Variants in TBC1D1 observed in about 807,000 individuals in gnomAD.
TBC1D1 encodes the protein TBC1 domain family member 1, also known as TBC1 (tre-2/USP6, BUB2, cdc16) domain family, member 1.
In TBC1D1, 89 loss-of-function variants were observed where a neutral mutation model predicts 125.6. The ratio of observed to expected loss-of-function variants is 0.71; its 90% CI spans 0.60 to 0.85. The LOEUF (loss-of-function observed/expected upper bound fraction) is 0.85. Among genes scored for constraint, TBC1D1 ranks in the 40% least tolerant of loss-of-function variants. The probability of loss-of-function intolerance (pLI) is 0.00; values close to 1 mark genes in which losing one functional copy is unlikely to be tolerated. For synonymous variants in TBC1D1, 565 were observed against 564.1 expected (o/e 1.00, Z -0.02); for missense variants, 1,377 against 1,469.2 (o/e 0.94, Z 1.03).
At position 38,053,103 on chromosome 4, in the gene TBC1D1, T is replaced by TAG; in HGVS notation, c.1911-1095_1911-1094dup. On this transcript the variant is annotated intron_variant, in intron 11 of 19. Coordinates refer to ENST00000261439, the MANE Select transcript of TBC1D1 (RefSeq NM_015173.4). ...TAAACTCTTTTTTCAACCAAACTCT[T>TAG]AGCATCTCCTACCGTAATGCCCTGC... is the stretch of plus-strand genomic sequence containing the variant. 6.9e-7 allele frequency: 1 copy of TAG among 1,456,010 alleles called. No homozygotes were observed. The highest frequency in any genetic ancestry group is 9.0e-7 in the Non-Finnish European group (1 of 1,105,072). The allele number at this position is 1,456,010 out of a possible 1,614,324, so 90.2% of individuals were successfully genotyped here. A position where few individuals can be genotyped will look rare whatever the true frequency, so the allele number is the denominator to read the frequency against.
chr4:38,077,690 A>G (rs1411012325), intron 12 of TBC1D1, among the ~76,000 whole-genome samples: 1 of 145,306 alleles, frequency 6.9e-6, no homozygotes, highest in Non-Finnish European at 1.5e-5. Flanking sequence ...AAAAGCCTGT[A>G]ATTTCTCAAG....
Position 37,905,742 on chromosome 4 carries a change from C to T in TBC1D1, c.417+3230C>T, listed in dbSNP as rs182016284. Among the ~76,000 whole-genome samples, 12 of 152,364 alleles carry T rather than the reference C, an allele frequency of 7.9e-5. No individual in the cohort carries two copies. In the East Asian group the frequency reaches 1.9e-3, roughly 24 times the overall value. On this transcript the variant is annotated intron_variant, in intron 2 of 19. Coordinates refer to ENST00000261439, the MANE Select transcript of TBC1D1 (RefSeq NM_015173.4). ...TTGCAACCATTTGCCCTTGACCAGT[C>T]CACTTTCGCTTTGACTGGACCACTT...
At chr4:38,058,434 CTG>C (rs1237295001) in intron 12 of TBC1D1, among the ~76,000 whole-genome samples, 1 of 152,234 alleles carries the variant, frequency 6.6e-6, no homozygotes, top group Non-Finnish European at 1.5e-5. Context: ...GCACAAGACT[CTG>C]TTCCTGATTT....
At chr4:38,135,306 C>A (rs921177498) in intron 19 of TBC1D1, among the ~76,000 whole-genome samples, 1 of 152,182 alleles carries the variant, frequency 6.6e-6, no homozygotes, top group Non-Finnish European at 1.5e-5. Flanking sequence ...AATTCTACCA[C>A]CTCTTTTGTT....
intron 12 of TBC1D1, among the ~76,000 whole-genome samples, chr4:38,074,572 C>G (rs1196663458): frequency 6.6e-6 from 1 of 152,098 alleles, no homozygotes; most frequent in African/African-American, 2.4e-5. Flanking sequence ...GGTAAATATG[C>G]AAATTTTTTA....
chr4:37,905,749 C>T (rs764184834), intron 2 of TBC1D1, among the ~76,000 whole-genome samples: 4 of 152,380 alleles, frequency 2.6e-5, no homozygotes, highest in African/African-American at 7.2e-5. Context: ...AGTCCACTTT[C>T]GCTTTGACTG....
Position 38,020,710 on chromosome 4 carries a change from G to A in TBC1D1, c.1077+15G>A. ...ATGAGGCTCTGGTGAGAGAGGACAAGCAATTCTTACCTTGGAACCTTCTTT... is the reference window on the plus strand; with the variant it reads ...ATGAGGCTCTGGTGAGAGAGGACAAACAATTCTTACCTTGGAACCTTCTTT... On this transcript the variant is annotated intron_variant, in intron 5 of 19. Coordinates refer to ENST00000261439, the MANE Select transcript of TBC1D1 (RefSeq NM_015173.4). 1 of 1,606,480 alleles carries A rather than the reference G, an allele frequency of 6.2e-7. No individual in the cohort carries two copies. The highest frequency in any genetic ancestry group is 8.5e-7 in the Non-Finnish European group (1 of 1,174,158).
chr4:37,932,498 A>G (rs1028906744), intron 2 of TBC1D1, among the ~76,000 whole-genome samples: 30 of 152,244 alleles, frequency 2.0e-4, no homozygotes, highest in African/African-American at 7.0e-4. Flanking sequence ...CCCCTTATGA[A>G]CAAGGATTAT....
chr4:37,965,731 C>CATTT lies in TBC1D1; in HGVS notation c.418-48757_418-48754dup, dbSNP rs201957621. ...CTGCCAGGTGCAAACCTGTCATGGA[C>CATTT]ATTTATTTATTTATTTATTTATTTT... is the stretch of plus-strand genomic sequence containing the variant. On this transcript the variant is annotated intron_variant, in intron 2 of 19. Coordinates refer to ENST00000261439, the MANE Select transcript of TBC1D1 (RefSeq NM_015173.4). Among the ~76,000 whole-genome samples, 1,243 of 152,018 alleles carry CATTT rather than the reference C, an allele frequency of 8.2e-3. 15 individuals are homozygous for CATTT. The highest frequency in any genetic ancestry group is 0.027 in the African/African-American group (1,113 of 41,434).
chr4:38,052,318 G>T (rs960355763), intron 11 of TBC1D1, among the ~76,000 whole-genome samples: 17 of 149,200 alleles, frequency 1.1e-4, no homozygotes, highest in Non-Finnish European at 2.4e-4. Flanking sequence ...ATGGCAGATT[G>T]GTTTGTGTTT....
chr4:37,928,307 C>A (rs1722533340), intron 2 of TBC1D1, among the ~76,000 whole-genome samples: 1 of 152,198 alleles, frequency 6.6e-6, no homozygotes, highest in Non-Finnish European at 1.5e-5. Flanking sequence ...ATGCTTCAAC[C>A]AACCTAATTG....
chr4:37,964,374 C>A (rs1214761059), intron 2 of TBC1D1, among the ~76,000 whole-genome samples: 1 of 152,198 alleles, frequency 6.6e-6, no homozygotes, highest in Admixed American at 6.5e-5. Context: ...TGATTCTAAA[C>A]CTCGTGCTAG....
intron 6 of TBC1D1, among the ~76,000 whole-genome samples, chr4:38,026,016 C>G (rs1745009783): frequency 6.6e-6 from 1 of 151,742 alleles, no homozygotes; most frequent in South Asian, 2.1e-4. Context: ...ACTTACTTAG[C>G]TGATGACCTT....
intron 10 of TBC1D1, among the ~76,000 whole-genome samples, chr4:38,046,209 C>CA (rs1027101460): frequency 4.7e-4 from 72 of 151,870 alleles, no homozygotes; most frequent in African/African-American, 8.7e-4. Flanking sequence ...ACTAAAAATA[C>CA]AAAAAATTAA....
intron 8 of TBC1D1, 57 bp from the exon 9 acceptor site, chr4:38,044,305 T>C: frequency 6.5e-7 from 1 of 1,545,232 alleles, no homozygotes; most frequent in Non-Finnish European, 8.7e-7. Context: ...GATTTTTCAT[T>C]CCTTTAAGAA....
chr4:38,020,513 T>C (rs1056977203), intron 4 of TBC1D1, 78 bp from the exon 5 acceptor site: 5 of 1,145,010 alleles, frequency 4.4e-6, no homozygotes, highest in East Asian at 2.5e-5. Flanking sequence ...AATTGTGCTG[T>C]ATAAATCTTG....
At chr4:37,916,433 GT>G (rs1719755971) in intron 2 of TBC1D1, among the ~76,000 whole-genome samples, 2 of 151,976 alleles carry the variant, frequency 1.3e-5, no homozygotes. Flanking sequence ...TTTCGTAGTT[GT>G]CCCCTGTATG....
chr4:38,073,691 C>T (rs1382510573), intron 12 of TBC1D1, among the ~76,000 whole-genome samples: 1 of 151,988 alleles, frequency 6.6e-6, no homozygotes, highest in Non-Finnish European at 1.5e-5. Flanking sequence ...TTGGTTTCTT[C>T]GGTGTAATGC....
chr4:37,952,050 AG>A (rs1727990324), intron 2 of TBC1D1: 1 of 717,574 alleles, frequency 1.4e-6, no homozygotes, highest in African/African-American at 1.7e-5. Flanking sequence ...CTGCCGGAGA[AG>A]GTGAGGAAGA....
Sources: allele counts gnomAD v4.1 joint callset (sites outside exome capture counted in the v4.1 genomes callset), GRCh38; gene constraint gnomAD v4.1.1; transcripts MANE v1.5; gene names NCBI Gene and HGNC (gene_info 2026-07-23, HGNC 2026-07-21).